Variants in ANO6 observed in about 807,000 individuals in gnomAD.
ANO6 encodes the protein anoctamin 6.
A neutral mutation model predicts 117.5 loss-of-function variants in ANO6; 106 were observed. The observed-to-expected ratio is 0.90, with a 90% CI of 0.77 to 1.06. ANO6 has a LOEUF of 1.06. Ranked by LOEUF, ANO6 falls within the 50% of genes least tolerant of loss-of-function variation. The pLI is 0.00. For missense variants in ANO6, 955 were observed against 1,121.1 expected, an observed-to-expected ratio of 0.85 and a Z score of 2.12; for synonymous variants, 367 against 385.1, an observed-to-expected ratio of 0.95 and a Z score of 0.55.
At chr12:45,429,046 G>A in intron 19 of ANO6, 59 bp from the exon 20 acceptor site, 1 of 1,584,866 alleles carries the variant, frequency 6.3e-7, no homozygotes, top group Non-Finnish European at 8.6e-7. Flanking sequence ...AGAATGAAAG[G>A]AACTCGGTGT....
intron 1 of ANO6, among the ~76,000 whole-genome samples, chr12:45,249,618 A>G (rs1947873351): frequency 6.6e-6 from 1 of 152,218 alleles, no homozygotes; most frequent in South Asian, 2.1e-4. Context: ...TGGAGGATAC[A>G]GGTTTATTAA....
At chr12:45,368,087 T>C (rs753378882) in intron 9 of ANO6, among the ~76,000 whole-genome samples, 1 of 152,216 alleles carries the variant, frequency 6.6e-6, no homozygotes, top group East Asian at 1.9e-4. Flanking sequence ...ACCCATTTTA[T>C]CTTATAAATA....
downstream of ANO6, among the ~76,000 whole-genome samples, chr12:45,432,877 C>T (rs1943663518): frequency 6.6e-6 from 1 of 152,152 alleles, no homozygotes; most frequent in African/African-American, 2.4e-5. Context: ...TGTAAATGGA[C>T]AATGGCCAGA....
At chr12:45,317,376 G>GT (rs1170716370) in intron 2 of ANO6, among the ~76,000 whole-genome samples, 1 of 146,364 alleles carries the variant, frequency 6.8e-6, no homozygotes, top group South Asian at 2.2e-4. Context: ...GAAGTGTTTG[G>GT]TTTTTTGTCC....
intron 6 of ANO6, among the ~76,000 whole-genome samples, chr12:45,349,586 A>C (rs1485422825): frequency 6.7e-6 from 1 of 149,844 alleles, no homozygotes; most frequent in Non-Finnish European, 1.5e-5. Context: ...CAAAGAAAGT[A>C]AAGACTGAGA....
At chr12:45,362,534 T>G (rs1478340931) in intron 8 of ANO6, among the ~76,000 whole-genome samples, 1 of 152,134 alleles carries the variant, frequency 6.6e-6, no homozygotes, top group South Asian at 2.1e-4. Flanking sequence ...TTATATTTAA[T>G]GTAATTACTC....
chr12:45,371,863 A>G (rs1322052389), intron 9 of ANO6, among the ~76,000 whole-genome samples: 19 of 152,204 alleles, frequency 1.2e-4, no homozygotes, highest in Admixed American at 1.2e-3. Flanking sequence ...TGGATGGAGA[A>G]TGACTTTGAC....
chr12:45,237,980 G>C (rs990137186), intron 1 of ANO6, among the ~76,000 whole-genome samples: 2 of 151,962 alleles, frequency 1.3e-5, no homozygotes, highest in African/African-American at 4.8e-5. Flanking sequence ...TATTCTCTTT[G>C]TAGCAGTTGT....
intron 2 of ANO6, among the ~76,000 whole-genome samples, chr12:45,314,421 C>G (rs1939947471): frequency 7.4e-6 from 1 of 135,774 alleles, no homozygotes; most frequent in Non-Finnish European, 1.6e-5. Context: ...CCAGCCTGGG[C>G]AACATAATGA....
At chr12:45,402,538 A>T (rs775698376) in intron 13 of ANO6, among the ~76,000 whole-genome samples, 8 of 152,198 alleles carry the variant, frequency 5.3e-5, no homozygotes, top group Non-Finnish European at 1.2e-4. Context: ...CCCACACTGC[A>T]TACGTCTGAG....
chr12:45,406,953 T>C (rs2137648031), intron 15 of ANO6, among the ~76,000 whole-genome samples: 1 of 152,332 alleles, frequency 6.6e-6, no homozygotes, highest in South Asian at 2.1e-4. Context: ...GATGTGGCTA[T>C]GACAATACAC....
At chr12:45,370,965 G>C (rs912456880) in intron 9 of ANO6, among the ~76,000 whole-genome samples, 1 of 152,212 alleles carries the variant, frequency 6.6e-6, no homozygotes, top group Non-Finnish European at 1.5e-5. Flanking sequence ...CATCTCACTA[G>C]GGAGTGCCAG....
chr12:45,318,681 G>C (rs1940140217), intron 2 of ANO6, among the ~76,000 whole-genome samples: 1 of 152,086 alleles, frequency 6.6e-6, no homozygotes, highest in Non-Finnish European at 1.5e-5. Flanking sequence ...GTAGCTTGAT[G>C]GGGATGGCAT....
intron 2 of ANO6, among the ~76,000 whole-genome samples, chr12:45,312,287 G>T (rs757351627): frequency 1.3e-5 from 2 of 152,026 alleles, no homozygotes; most frequent in East Asian, 1.9e-4. Context: ...CAAAATAATT[G>T]AGTTAAAGTT....
intron 3 of ANO6, among the ~76,000 whole-genome samples, chr12:45,333,913 A>ACC (rs1210050425): frequency 2.0e-5 from 3 of 151,974 alleles, no homozygotes; most frequent in African/African-American, 7.2e-5. Flanking sequence ...TCCTAAAGCA[A>ACC]CCCCAAGCTT....
chr12:45,229,097 G>A (rs1029680775), intron 1 of ANO6, among the ~76,000 whole-genome samples: 4 of 152,118 alleles, frequency 2.6e-5, no homozygotes, highest in Admixed American at 6.5e-5. Flanking sequence ...CTCAGGGTCC[G>A]GGATGAGAAG....
At chr12:45,236,014 T>A (rs1380345127) in intron 1 of ANO6, among the ~76,000 whole-genome samples, 1 of 152,174 alleles carries the variant, frequency 6.6e-6, no homozygotes, top group East Asian at 1.9e-4. Context: ...AGGCTACATA[T>A]GAAGGGGAGA....
At chr12:45,392,182 C>G (rs1354366677) in intron 12 of ANO6, among the ~76,000 whole-genome samples, 2 of 152,210 alleles carry the variant, frequency 1.3e-5, no homozygotes, top group Non-Finnish European at 2.9e-5. Context: ...TAGCAACCAG[C>G]AGACAAAGTG....
At chr12:45,335,841 A>G (rs918430818) in intron 3 of ANO6, among the ~76,000 whole-genome samples, 12 of 151,994 alleles carry the variant, frequency 7.9e-5, no homozygotes, top group East Asian at 1.9e-4. Flanking sequence ...AAAGAAGTCT[A>G]TTGATTTCTG....
Sources: gnomAD v4.1 joint callset for allele counts (sites outside exome capture counted in the v4.1 genomes callset) on GRCh38, gnomAD v4.1.1 for gene constraint, MANE v1.5 for transcripts, NCBI Gene and HGNC (gene_info 2026-07-23, HGNC 2026-07-21) for gene names.